The following NRXN1 variants were observed in gnomAD, a reference collection of about 807,000 sequenced individuals.
NRXN1 encodes neurexin 1.
In NRXN1, 39 loss-of-function variants were observed where a neutral mutation model predicts 150.9. The observed-to-expected ratio is 0.26, with a 90% CI of 0.20 to 0.34. The LOEUF (loss-of-function observed/expected upper bound fraction) is 0.34. Ranked by LOEUF, NRXN1 falls within the 10% of genes least tolerant of loss-of-function variation. The pLI is 1.00. For synonymous variants in NRXN1, 924 were observed against 757.0 expected (o/e 1.22, Z -3.62); for missense variants, 1,815 against 1,949.9 (o/e 0.93, Z 1.30).
chr2:51,013,280 C>G (rs911266089), intron 2 of NRXN1, among the ~76,000 whole-genome samples: 1 of 151,978 alleles, frequency 6.6e-6, no homozygotes, highest in Non-Finnish European at 1.5e-5. Flanking sequence ...CAAACATAAG[C>G]ATGTGGGTGG....
At chr2:50,456,647 T>C (rs2087588980) in intron 17 of NRXN1, among the ~76,000 whole-genome samples, 1 of 152,138 alleles carries the variant, frequency 6.6e-6, no homozygotes, top group African/African-American at 2.4e-5. Context: ...AAGCACAATG[T>C]TATTTTTATC....
At chr2:50,299,714 T>C (rs576085495) in intron 17 of NRXN1, among the ~76,000 whole-genome samples, 9 of 152,192 alleles carry the variant, frequency 5.9e-5, no homozygotes, top group Non-Finnish European at 1.3e-4. Flanking sequence ...AGTTAATCTG[T>C]ATATCCACAT....
At chr2:50,250,792 T>A (rs2066964728) in intron 17 of NRXN1, among the ~76,000 whole-genome samples, 1 of 151,938 alleles carries the variant, frequency 6.6e-6, no homozygotes, top group African/African-American at 2.4e-5. Flanking sequence ...TCTCATTTTT[T>A]CAAAATTTAA....
intron 5 of NRXN1, among the ~76,000 whole-genome samples, chr2:50,650,623 A>C (rs1277954868): frequency 1.3e-5 from 2 of 152,060 alleles, no homozygotes; most frequent in Non-Finnish European, 2.9e-5. Flanking sequence ...CAAGCAGAAA[A>C]GTAGGTGCTT....
chr2:50,617,546 C>G (rs1182274742), intron 8 of NRXN1, among the ~76,000 whole-genome samples: 1 of 151,986 alleles, frequency 6.6e-6, no homozygotes, highest in African/African-American at 2.4e-5. Context: ...AAAGATTACA[C>G]AAGTCAAGAA....
intron 21 of NRXN1, among the ~76,000 whole-genome samples, chr2:49,949,032 T>G (rs1458676133): frequency 6.6e-6 from 1 of 151,986 alleles, no homozygotes; most frequent in Non-Finnish European, 1.5e-5. Context: ...CTCTATACTT[T>G]TAGGAAGAAA....
At chr2:50,471,763 G>A (rs1449785139) in intron 16 of NRXN1, among the ~76,000 whole-genome samples, 2 of 151,610 alleles carry the variant, frequency 1.3e-5, no homozygotes, top group Non-Finnish European at 2.9e-5. Flanking sequence ...AGAGGATCAG[G>A]AAAAATAACT....
At chr2:50,138,946 C>T (rs184065996) in intron 18 of NRXN1, among the ~76,000 whole-genome samples, 1 of 152,276 alleles carries the variant, frequency 6.6e-6, no homozygotes, top group Admixed American at 6.5e-5. Context: ...TCAGATGAAA[C>T]GTGCCAAGTT....
At chr2:50,702,482 C>A (rs1693885099) in intron 5 of NRXN1, among the ~76,000 whole-genome samples, 1 of 152,074 alleles carries the variant, frequency 6.6e-6, no homozygotes, top group Admixed American at 6.6e-5. Flanking sequence ...CTACATAGTT[C>A]ATCTTCTCAA....
chr2:50,493,384 T>C (rs915709393), intron 15 of NRXN1, among the ~76,000 whole-genome samples: 4 of 152,142 alleles, frequency 2.6e-5, no homozygotes, highest in African/African-American at 9.7e-5. Context: ...TTCCAGGTGG[T>C]CCCAGCTTGG....
chr2:49,980,225 C>G (rs975727625), intron 21 of NRXN1, among the ~76,000 whole-genome samples: 6 of 152,122 alleles, frequency 3.9e-5, no homozygotes, highest in Non-Finnish European at 7.4e-5. Context: ...TAAGAACCAA[C>G]AAGGCACACG....
rs141285324 is a variant in NRXN1, at chr2:50,944,021, T to C, written c.773-18066A>G. Among the ~76,000 whole-genome samples the C allele has an allele frequency of 1.3e-4, 20 of 152,280 alleles. No homozygotes were observed. In the East Asian group the frequency reaches 1.9e-3, roughly 15 times the overall value. On this transcript the variant is annotated intron_variant, in intron 2 of 22. Coordinates refer to ENST00000401669, the MANE Select transcript of NRXN1 (RefSeq NM_001330078.2). The stretch of plus-strand genomic sequence containing the variant: ...TCTTGCATCTCTGATAAAATCAAAA[T>C]TGGCTTCAGCACTCAAAATATGCAG...
intron 2 of NRXN1, among the ~76,000 whole-genome samples, chr2:50,927,669 T>A (rs563771149): frequency 6.6e-6 from 1 of 152,178 alleles, no homozygotes; most frequent in East Asian, 1.9e-4. Flanking sequence ...ACTTTGAAAT[T>A]GTATCTTCTG....
intron 18 of NRXN1, among the ~76,000 whole-genome samples, chr2:50,155,684 T>C (rs1432394085): frequency 6.6e-6 from 1 of 151,472 alleles, no homozygotes; most frequent in African/African-American, 2.4e-5. Context: ...TGTAGAATAT[T>C]TTATCTAAAA....
At chr2:49,982,398 GCTTCC>G (rs1366627486) in intron 21 of NRXN1, among the ~76,000 whole-genome samples, 1 of 151,912 alleles carries the variant, frequency 6.6e-6, no homozygotes, top group Non-Finnish European at 1.5e-5. Context: ...GCTTAGCAAT[GCTTCC>G]AGCACATATG....
intron 17 of NRXN1, among the ~76,000 whole-genome samples, chr2:50,281,678 GT>G (rs756789771): frequency 2.0e-5 from 3 of 152,066 alleles, no homozygotes; most frequent in Admixed American, 6.6e-5. Flanking sequence ...ATGATAAACT[GT>G]TCCCAATTAA....
intron 18 of NRXN1, among the ~76,000 whole-genome samples, chr2:50,142,061 C>T (rs895568370): frequency 7.2e-5 from 11 of 151,982 alleles, no homozygotes; most frequent in African/African-American, 2.2e-4. Flanking sequence ...TCAAAGTATC[C>T]GTCAACAGGT....
At chr2:50,779,167 C>T (rs999761205) in intron 5 of NRXN1, among the ~76,000 whole-genome samples, 7 of 152,264 alleles carry the variant, frequency 4.6e-5, no homozygotes, top group African/African-American at 1.7e-4. Context: ...AATGGTATCC[C>T]TCCCCTAGCA....
chr2:50,374,248 G>A (rs2080322104), intron 17 of NRXN1, among the ~76,000 whole-genome samples: 1 of 151,492 alleles, frequency 6.6e-6, no homozygotes, highest in Admixed American at 6.6e-5. Flanking sequence ...TAGTGAGCAT[G>A]CTATTGTGCT....
Sources: allele counts gnomAD v4.1 joint callset (sites outside exome capture counted in the v4.1 genomes callset), GRCh38; gene constraint gnomAD v4.1.1; transcripts MANE v1.5; gene names NCBI Gene and HGNC (gene_info 2026-07-23, HGNC 2026-07-21).